The following TNR variants were observed in gnomAD, a reference collection of about 807,000 sequenced individuals.
TNR encodes the protein tenascin-R.
Under a neutral mutation model 150.4 loss-of-function variants are expected in TNR, and 45 were observed. The observed-to-expected ratio is 0.30, with a 90% CI of 0.24 to 0.38. The LOEUF (loss-of-function observed/expected upper bound fraction) is 0.38. Ranked by LOEUF, TNR falls within the 10% of genes least tolerant of loss-of-function variation. TNR has a pLI of 1.00. For missense variants in TNR, 1,544 were observed against 1,759.1 expected, an observed-to-expected ratio of 0.88 and a Z score of 2.19; for synonymous variants, 687 against 678.4, an observed-to-expected ratio of 1.01 and a Z score of -0.20.
intron 1 of TNR, among the ~76,000 whole-genome samples, chr1:175,692,624 C>A (rs981057709): frequency 6.6e-6 from 1 of 152,096 alleles, no homozygotes; most frequent in Non-Finnish European, 1.5e-5. Context: ...GAGGGCTAAG[C>A]AGGAGTAAGC....
At chr1:175,638,859 A>C (rs1664565383) in intron 1 of TNR, among the ~76,000 whole-genome samples, 2 of 152,046 alleles carry the variant, frequency 1.3e-5, no homozygotes, top group Non-Finnish European at 2.9e-5. Flanking sequence ...AATTTTTCTT[A>C]TTTTATTTTG....
At chr1:175,667,246 C>A (rs972608141) in intron 1 of TNR, among the ~76,000 whole-genome samples, 1 of 152,216 alleles carries the variant, frequency 6.6e-6, no homozygotes, top group South Asian at 2.1e-4. Context: ...ACTTTGCACA[C>A]GTGGTCTGCT....
chr1:175,457,781 A>C (rs1232338952), intron 2 of TNR, among the ~76,000 whole-genome samples: 1 of 152,222 alleles, frequency 6.6e-6, no homozygotes, highest in Non-Finnish European at 1.5e-5. Context: ...TAATTTTATT[A>C]GGTATATATT....
intron 1 of TNR, among the ~76,000 whole-genome samples, chr1:175,607,073 A>G (rs1280180772): frequency 1.3e-5 from 2 of 152,196 alleles, no homozygotes; most frequent in African/African-American, 2.4e-5. Flanking sequence ...ACAGCTTTCA[A>G]ATCCAGAAAG....
At chr1:175,391,709 T>G (rs1365049316) in intron 6 of TNR, among the ~76,000 whole-genome samples, 1 of 152,248 alleles carries the variant, frequency 6.6e-6, no homozygotes, top group East Asian at 1.9e-4. Context: ...TTGCTGAGTT[T>G]GCCAATAAAA....
chr1:175,699,474 G>C (rs11805782), intron 1 of TNR, among the ~76,000 whole-genome samples: 1 of 152,138 alleles, frequency 6.6e-6, no homozygotes, highest in Non-Finnish European at 1.5e-5. Flanking sequence ...CTTTAACTGA[G>C]GTTGGAGATT....
At chr1:175,625,239 A>G (rs1664111535) in intron 1 of TNR, among the ~76,000 whole-genome samples, 1 of 152,212 alleles carries the variant, frequency 6.6e-6, no homozygotes, top group African/African-American at 2.4e-5. Context: ...GTGAAAAACA[A>G]CAGTGTGATT....
chr1:175,354,419 G>C lies in TNR; in HGVS notation c.3354C>G (p.Ser1118Arg), dbSNP rs778388440. 1 of 1,613,994 alleles carries C rather than the reference G, an allele frequency of 6.2e-7. No homozygotes were observed. The highest frequency in any genetic ancestry group is 1.3e-5 in the African/African-American group (1 of 74,956). ...LLQAAQDTTWSSITSTAFTTG... is the reference protein window; with the variant it reads ...LLQAAQDTTWRSITSTAFTTG... Reference sequence around the variant, plus strand: ...TGGTGAAAGCGGTGGAGGTGATGCTGCTCCACGTGGTGTCCTGTGCTGCCT... The same window carrying C: ...TGGTGAAAGCGGTGGAGGTGATGCTCCTCCACGTGGTGTCCTGTGCTGCCT... Residue 1118 changes from serine (S) to arginine (R), a missense_variant, in exon 18 of 23, where the codon AGC (serine) becomes AGG (arginine). This residue lies in a region of TNR where 290 missense variants were observed against 429.7 expected (regional missense o/e 0.67). Transcript: ENST00000367674.
chr1:175,537,128 G>A (rs1660322867), intron 1 of TNR, among the ~76,000 whole-genome samples: 1 of 152,174 alleles, frequency 6.6e-6, no homozygotes, highest in Non-Finnish European at 1.5e-5. Context: ...ACCAAACCTG[G>A]AATGCCACAT....
At chr1:175,496,388 G>A (rs533455112) in intron 2 of TNR, among the ~76,000 whole-genome samples, 17 of 152,238 alleles carry the variant, frequency 1.1e-4, no homozygotes, top group Non-Finnish European at 2.2e-4. Context: ...GCGCACACAT[G>A]GCTCCTTATT....
intron 2 of TNR, among the ~76,000 whole-genome samples, chr1:175,467,927 A>G (rs1370889613): frequency 6.6e-6 from 1 of 152,228 alleles, no homozygotes; most frequent in East Asian, 1.9e-4. Flanking sequence ...TCATGGAGAG[A>G]TGCTTGCCTT....
At chr1:175,505,424 T>A (rs1488319869) in intron 2 of TNR, among the ~76,000 whole-genome samples, 4 of 152,170 alleles carry the variant, frequency 2.6e-5, no homozygotes, top group Admixed American at 6.5e-5. Flanking sequence ...TTCTCAGCCC[T>A]CCTCCGTTCC....
intron 2 of TNR, among the ~76,000 whole-genome samples, chr1:175,463,361 T>C (rs1016910402): frequency 6.6e-6 from 1 of 152,238 alleles, no homozygotes; most frequent in Non-Finnish European, 1.5e-5. Flanking sequence ...TTTCTTCTTT[T>C]ACCACCCTTT....
chr1:175,532,993 C>T (rs911784571), intron 1 of TNR, among the ~76,000 whole-genome samples: 9 of 152,182 alleles, frequency 5.9e-5, no homozygotes, highest in Non-Finnish European at 7.3e-5. Context: ...GAAAAAGCTG[C>T]AGAAGGGTAT....
At chr1:175,393,752 G>A (rs1653288425) in intron 6 of TNR, 28 bp downstream of exon 6, 1 of 1,538,698 alleles carries the variant, frequency 6.5e-7, no homozygotes. Flanking sequence ...AAATAAGTCT[G>A]TTTGGCAGTG....
chr1:175,685,856 T>TC (rs1666180085), intron 1 of TNR, among the ~76,000 whole-genome samples: 1 of 151,818 alleles, frequency 6.6e-6, no homozygotes, highest in South Asian at 2.1e-4. Flanking sequence ...ATTAGCTGTT[T>TC]TTTTTTTTTA....
chr1:175,535,157 G>A (rs997867034), intron 1 of TNR, among the ~76,000 whole-genome samples: 3 of 152,172 alleles, frequency 2.0e-5, no homozygotes, highest in Non-Finnish European at 4.4e-5. Context: ...CCAGAAAGGG[G>A]GCTGCATGTA....
intron 2 of TNR, among the ~76,000 whole-genome samples, chr1:175,476,345 T>C: frequency 6.6e-6 from 1 of 152,202 alleles, no homozygotes; most frequent in East Asian, 1.9e-4. Flanking sequence ...GTAGGTGATG[T>C]ATGGCAAAAG....
At chr1:175,694,822 A>G (rs966131272) in intron 1 of TNR, among the ~76,000 whole-genome samples, 2 of 152,186 alleles carry the variant, frequency 1.3e-5, no homozygotes, top group Non-Finnish European at 2.9e-5. Flanking sequence ...CAATCAAAGG[A>G]GAGGGAACTT....
Sources: gnomAD v4.1 joint callset for allele counts (sites outside exome capture counted in the v4.1 genomes callset) on GRCh38, gnomAD v4.1.1 for gene constraint, gnomAD v4.1.1 regional missense constraint, MANE v1.5 for transcripts, NCBI Gene and HGNC (gene_info 2026-07-23, HGNC 2026-07-21) for gene names.